Variants in MAP3K13 observed in about 807,000 individuals in gnomAD.
The protein encoded by MAP3K13 is leucine zipper-bearing kinase.
MAP3K13 carries 52 observed loss-of-function variants against 104.0 expected under a neutral mutation model. The observed-to-expected ratio is 0.50, with a 90% CI of 0.40 to 0.63. The LOEUF (loss-of-function observed/expected upper bound fraction) is 0.63. Among genes scored for constraint, MAP3K13 ranks in the 20% least tolerant of loss-of-function variants. MAP3K13 has a pLI of 0.00. For synonymous variants in MAP3K13, 394 were observed against 442.2 expected (o/e 0.89, Z 1.37); for missense variants, 914 against 1,218.5 (o/e 0.75, Z 3.72).
chr3:185,325,373 C>T (rs1022609485), intron 2 of MAP3K13, among the ~76,000 whole-genome samples: 6 of 152,204 alleles, frequency 3.9e-5, no homozygotes, highest in African/African-American at 1.4e-4. Flanking sequence ...TCCTTAGTCA[C>T]ATCAGCAAAG....
chr3:185,297,643 G>A (rs1489598489), intron 2 of MAP3K13, among the ~76,000 whole-genome samples: 3 of 151,864 alleles, frequency 2.0e-5, no homozygotes, highest in African/African-American at 7.3e-5. Context: ...ACTGAGGTGG[G>A]AGAATCTCTT....
Position 185,418,730 on chromosome 3 carries a change from A to C in MAP3K13, c.-85-9767A>C. The C allele has an allele frequency of 6.2e-7, 1 of 1,609,716 alleles. No homozygotes were observed. The highest frequency in any genetic ancestry group is 8.5e-7 in the Non-Finnish European group (1 of 1,177,022). On this transcript the variant is annotated intron_variant, in intron 1 of 13. Transcript: ENST00000265026. The surrounding 1 kb of genome is among the most constrained non-coding windows in gnomAD (Gnocchi z 4.5). The stretch of plus-strand genomic sequence containing the variant: ...GGCTAAGTGACATTTTTGCCAGATG[A>C]CTCCCCCTTTTCGGAGTACACCGAT...
At chr3:185,322,935 A>G (rs1480521399) in intron 2 of MAP3K13, among the ~76,000 whole-genome samples, 1 of 152,210 alleles carries the variant, frequency 6.6e-6, no homozygotes, top group Non-Finnish European at 1.5e-5. Flanking sequence ...CCTCATGCCA[A>G]GATTACTTCC....
rs879362100 is a variant in MAP3K13 at position 185,315,713 on chromosome 3, C to T, written c.-86+30070C>T. ...ATGGGATATTAACCACCTTTACTTT[C>T]AGGGACCTAATCTGTAAAATGAGGA... On this transcript the variant is annotated intron_variant, in intron 2 of 14. Coordinates refer to the MAP3K13 transcript ENST00000424227. This position sits in a 1 kb window ranked among gnomAD's most constrained non-coding sequence, Gnocchi z 4.3. Among the ~76,000 whole-genome samples, 12 of 152,128 alleles carry T rather than the reference C, an allele frequency of 7.9e-5. No homozygotes were observed. Among genetic ancestry groups the T allele is most frequent in the African/African-American group, 9.7e-5 (4 of 41,418 alleles).
intron 10 of MAP3K13, among the ~76,000 whole-genome samples, chr3:185,467,585 C>G (rs948238120): frequency 9.2e-5 from 14 of 151,912 alleles, no homozygotes; most frequent in Non-Finnish European, 1.6e-4. Flanking sequence ...GAGATCAAGA[C>G]CATCCTGGCC....
rs1718668661 is a variant in MAP3K13, at chr3:185,485,367, C to CCCAT, written c.*2912_*2915dup. On this transcript the variant is annotated 3_prime_UTR_variant, in exon 14 of 14. Coordinates refer to ENST00000265026, the MANE Select transcript of MAP3K13 (RefSeq NM_004721.5). ...AATGGTATACAGTAGTCCCCTCTTA[C>CCCAT]CCATGGCTTCATTTTCATGGTTTCA... The CCCAT allele has an allele frequency of 1.3e-5, 2 of 152,198 alleles. No individual in the cohort carries two copies. Among genetic ancestry groups the CCCAT allele is most frequent in the East Asian group, 1.9e-4 (1 of 5,200 alleles). The allele number at this position is 152,198 out of a possible 1,614,324, so 9.4% of individuals were successfully genotyped here. A position where few individuals can be genotyped will look rare whatever the true frequency, so the allele number is the denominator to read the frequency against.
At chr3:185,319,820 C>A (rs113437478) in intron 2 of MAP3K13, among the ~76,000 whole-genome samples, 1 of 152,108 alleles carries the variant, frequency 6.6e-6, no homozygotes, top group African/African-American at 2.4e-5. Flanking sequence ...TTTGCTTTCT[C>A]GAAACATGAT....
chr3:185,444,082 C>T (rs972086076), intron 4 of MAP3K13, among the ~76,000 whole-genome samples: 3 of 152,070 alleles, frequency 2.0e-5, no homozygotes, highest in African/African-American at 7.2e-5. Context: ...CGCCTGTAAT[C>T]CTAGAACTTT....
intron 2 of MAP3K13, among the ~76,000 whole-genome samples, chr3:185,296,723 G>C (rs1720930160): frequency 6.6e-6 from 1 of 152,192 alleles, no homozygotes; most frequent in Admixed American, 6.5e-5. Flanking sequence ...TATTAGTTGA[G>C]TGAATTTAAC....
At chr3:185,352,326 C>A (rs945465653) in intron 2 of MAP3K13, among the ~76,000 whole-genome samples, 6 of 152,080 alleles carry the variant, frequency 3.9e-5, no homozygotes, top group African/African-American at 1.4e-4. Context: ...TGCCTGTAAT[C>A]CCAGCTACTC....
intron 1 of MAP3K13, among the ~76,000 whole-genome samples, chr3:185,425,094 T>G (rs1400503277): frequency 6.6e-6 from 1 of 152,240 alleles, no homozygotes; most frequent in Non-Finnish European, 1.5e-5. Flanking sequence ...AATAAACACA[T>G]TTTGAATTTA....
chr3:185,424,813 A>G (rs1386833932), intron 1 of MAP3K13, among the ~76,000 whole-genome samples: 1 of 152,084 alleles, frequency 6.6e-6, no homozygotes, highest in Non-Finnish European at 1.5e-5. Flanking sequence ...GCATGGCACA[A>G]TTCTCAGTAT....
At chr3:185,285,534 A>C (rs1393877628) in exon 2 of MAP3K13, 1 of 1,278,422 alleles carries the variant, frequency 7.8e-7, no homozygotes, top group African/African-American at 1.5e-5. Flanking sequence ...GAACACTGAA[A>C]TCTATGGACT....
At chr3:185,401,023 A>G (rs1014398371) in intron 1 of MAP3K13, among the ~76,000 whole-genome samples, 14 of 151,764 alleles carry the variant, frequency 9.2e-5, no homozygotes, top group African/African-American at 3.1e-4. Flanking sequence ...GAAGAGAATC[A>G]TGGGCCACTA....
At chr3:185,368,668 G>C (rs536728802) in intron 1 of MAP3K13, among the ~76,000 whole-genome samples, 1 of 152,210 alleles carries the variant, frequency 6.6e-6, no homozygotes, top group East Asian at 1.9e-4. Flanking sequence ...TGATAGAAAA[G>C]ATGAACTTTC....
At chr3:185,349,123 A>C (rs759901147) in intron 2 of MAP3K13, among the ~76,000 whole-genome samples, 3 of 151,446 alleles carry the variant, frequency 2.0e-5, no homozygotes, top group Non-Finnish European at 4.4e-5. Context: ...ATTTCTACTT[A>C]TTCTTTTTTT....
intron 2 of MAP3K13, among the ~76,000 whole-genome samples, chr3:185,305,006 C>T (rs1293861717): frequency 1.3e-5 from 2 of 152,130 alleles, no homozygotes; most frequent in Non-Finnish European, 2.9e-5. Context: ...TATGTGTGTT[C>T]TTATATCTAA....
At position 185,484,775 on chromosome 3, in the gene MAP3K13, ATT is replaced by A. The variant is rs1300229556; in HGVS notation, c.*2320_*2321del. On this transcript the variant is annotated 3_prime_UTR_variant, in exon 14 of 14. Coordinates refer to ENST00000265026, the MANE Select transcript of MAP3K13 (RefSeq NM_004721.5). ...GATCTTAAGTTATGGCATTATTATC[ATT>A]GTTATTTTATTTTATAATATTATCA... 1 of 152,170 alleles carries A rather than the reference ATT, an allele frequency of 6.6e-6. No individual in the cohort carries two copies. The highest frequency in any genetic ancestry group is 2.4e-5 in the African/African-American group (1 of 41,450). The allele number at this position is 152,170 out of a possible 1,614,324, so 9.4% of individuals were successfully genotyped here.
intron 2 of MAP3K13, among the ~76,000 whole-genome samples, chr3:185,341,129 A>G (rs1410487379): frequency 1.3e-5 from 2 of 152,236 alleles, no homozygotes; most frequent in Non-Finnish European, 2.9e-5. Flanking sequence ...ATTCACGTCC[A>G]CCAGAACTTC....
Sources: gnomAD v4.1 joint callset for allele counts (sites outside exome capture counted in the v4.1 genomes callset) on GRCh38, gnomAD v4.1.1 for gene constraint, Gnocchi (gnomAD v3.1) non-coding constraint, MANE v1.5 for transcripts, NCBI Gene and HGNC (gene_info 2026-07-23, HGNC 2026-07-21) for gene names.